EPS8: variants seen among roughly 807,000 people sequenced by gnomAD.
EPS8 encodes the protein EGFR pathway substrate 8, signaling adaptor, also known as epidermal growth factor receptor kinase substrate 8.
EPS8 carries 42 observed loss-of-function variants against 103.8 expected under a neutral mutation model. That is an observed-to-expected ratio of 0.40 (90% CI 0.32 to 0.52). The LOEUF is 0.52. Ranked by LOEUF, EPS8 falls within the 20% of genes least tolerant of loss-of-function variation. The probability of loss-of-function intolerance (pLI) is 0.40; values close to 1 mark genes in which losing one functional copy is unlikely to be tolerated. For synonymous variants in EPS8, 344 were observed against 344.6 expected, an observed-to-expected ratio of 1.00 and a Z score of 0.02; for missense variants, 969 against 1,005.1, an observed-to-expected ratio of 0.96 and a Z score of 0.49.
rs1346569533 is a variant in EPS8 at position 15,745,183 on chromosome 12, T to A, written c.-22+43978A>T. ...GCCAATTGTCCATTATTTTTAACAT[T>A]ATTTGTAAAGAAAAACTCTACCTGT... On this transcript the variant is annotated intron_variant, in intron 1 of 20. Coordinates refer to ENST00000281172, the MANE Select transcript of EPS8 (RefSeq NM_004447.6). The surrounding 1 kb of genome is among the most constrained non-coding windows in gnomAD (Gnocchi z 4.6). Among the ~76,000 whole-genome samples, 1 of 152,152 alleles carries A rather than the reference T, an allele frequency of 6.6e-6. No homozygotes were observed. Among genetic ancestry groups the A allele is most frequent in the Non-Finnish European group, 1.5e-5 (1 of 68,024 alleles).
intron 1 of EPS8, among the ~76,000 whole-genome samples, chr12:15,754,269 T>C (rs1946962912): frequency 6.6e-6 from 1 of 151,954 alleles, no homozygotes; most frequent in South Asian, 2.1e-4. Flanking sequence ...ACTCTTGTTC[T>C]ATAAACTCCA....
intron 1 of EPS8, among the ~76,000 whole-genome samples, chr12:15,741,784 A>G (rs966012497): frequency 4.6e-5 from 7 of 152,034 alleles, no homozygotes; most frequent in Admixed American, 3.3e-4. Flanking sequence ...ACATATGTAT[A>G]CATGTGCCAT....
Position 15,748,694 on chromosome 12 carries a change from A to G in EPS8, c.-22+40467T>C, listed in dbSNP as rs929364701. On this transcript the variant is annotated intron_variant, in intron 1 of 20. Coordinates refer to ENST00000281172, the MANE Select transcript of EPS8 (RefSeq NM_004447.6). This position sits in a 1 kb window ranked among gnomAD's most constrained non-coding sequence, Gnocchi z 4.8. Reference sequence around the variant, plus strand: ...TTAGTTTAAAATGGAATAACTCTAGATAGAAAATTCTATTCTGCAACAAGT... The same window carrying G: ...TTAGTTTAAAATGGAATAACTCTAGGTAGAAAATTCTATTCTGCAACAAGT... Among the ~76,000 whole-genome samples the G allele has an allele frequency of 6.6e-5, 10 of 152,232 alleles. No individual in the cohort carries two copies. The highest frequency in any genetic ancestry group is 2.4e-4 in the African/African-American group (10 of 41,456).
At chr12:15,686,655 G>T (rs1366278733) in intron 1 of EPS8, among the ~76,000 whole-genome samples, 1 of 152,040 alleles carries the variant, frequency 6.6e-6, no homozygotes, top group African/African-American at 2.4e-5. Flanking sequence ...AATAAACAAG[G>T]CTATAAGGTT....
rs1008358757 is a variant in EPS8 at position 15,778,043 on chromosome 12, A to G, written c.-22+11118T>C. Among the ~76,000 whole-genome samples the G allele has an allele frequency of 2.0e-5, 3 of 152,262 alleles. No individual in the cohort carries two copies. The highest frequency in any genetic ancestry group is 2.9e-5 in the Non-Finnish European group (2 of 68,046). The stretch of plus-strand genomic sequence containing the variant: ...CAATTTATTCTGTAATTCTGCAAAC[A>G]TAGCAAACATACAAATATACAAAAA... On this transcript the variant is annotated intron_variant, in intron 1 of 20. Coordinates refer to ENST00000281172, the MANE Select transcript of EPS8 (RefSeq NM_004447.6). The surrounding 1 kb of genome is among the most constrained non-coding windows in gnomAD (Gnocchi z 4.5).
At chr12:15,675,461 G>A (rs1371242132) in intron 3 of EPS8, among the ~76,000 whole-genome samples, 1 of 152,192 alleles carries the variant, frequency 6.6e-6, no homozygotes, top group Non-Finnish European at 1.5e-5. Flanking sequence ...TTAGCCAGGT[G>A]TGGTGGCACA....
intron 10 of EPS8, among the ~76,000 whole-genome samples, chr12:15,660,280 T>C (rs1945581695): frequency 6.6e-6 from 1 of 150,476 alleles, no homozygotes. Context: ...CAGAGTTCTT[T>C]TTTTTTTTTT....
At chr12:15,625,191 A>G (rs1944925131) in intron 18 of EPS8, among the ~76,000 whole-genome samples, 1 of 152,082 alleles carries the variant, frequency 6.6e-6, no homozygotes, top group African/African-American at 2.4e-5. Flanking sequence ...CTTTCCCCAT[A>G]TGTTCTGCCT....
chr12:15,743,973 C>CAACCTACAGTACCTGTATGGGAGA (rs1246720217), intron 1 of EPS8, among the ~76,000 whole-genome samples: 2 of 152,124 alleles, frequency 1.3e-5, no homozygotes, highest in Non-Finnish European at 2.9e-5. Context: ...AGTCAACAGG[C>CAACCTACAGTACCTGTATGGGAGA]AACCTACAGT....
At chr12:15,667,245 A>G (rs1242093933) in intron 6 of EPS8, among the ~76,000 whole-genome samples, 7 of 152,294 alleles carry the variant, frequency 4.6e-5, no homozygotes, top group Non-Finnish European at 4.4e-5. Flanking sequence ...TTTCTCAAAT[A>G]TGTATGTTGT....
rs1387650193 is a variant in EPS8 at position 15,777,190 on chromosome 12, T to C, written c.-22+11971A>G. 2.0e-5 allele frequency among the ~76,000 whole-genome samples: 3 copies of C among 152,048 alleles called. No individual in the cohort carries two copies. Among genetic ancestry groups the C allele is most frequent in the Non-Finnish European group, 4.4e-5 (3 of 68,008 alleles). On this transcript the variant is annotated intron_variant, in intron 1 of 20. Coordinates refer to ENST00000281172, the MANE Select transcript of EPS8 (RefSeq NM_004447.6). This position sits in a 1 kb window ranked among gnomAD's most constrained non-coding sequence, Gnocchi z 4.7. ...GGAGTAGCCTATATAAATTTTTTTT[T>C]TACATTATATAACTCAAGATATATT...
chr12:15,666,796 C>T (rs570139783), intron 6 of EPS8, among the ~76,000 whole-genome samples: 6 of 152,154 alleles, frequency 3.9e-5, no homozygotes, highest in South Asian at 2.1e-4. Context: ...GATATGTACA[C>T]GCTAAAAATG....
intron 8 of EPS8, chr12:15,662,390 A>G (rs1045372125): frequency 2.3e-4 from 255 of 1,125,860 alleles, no homozygotes; most frequent in Non-Finnish European, 2.7e-4. Flanking sequence ...TGTAGAACCA[A>G]CCTTAACTTA....
rs370199753 is a variant in EPS8 at position 15,631,102 on chromosome 12, T to C, written c.2044+340A>G. Reference sequence around the variant, plus strand: ...ATTATTTTTCTCCACTTTTTAGATATTGAAGTGCTGAGAGGATAATTAAAT... The same window carrying C: ...ATTATTTTTCTCCACTTTTTAGATACTGAAGTGCTGAGAGGATAATTAAAT... On this transcript the variant is annotated intron_variant, in intron 18 of 20. Coordinates refer to ENST00000281172, the MANE Select transcript of EPS8 (RefSeq NM_004447.6). 3.9e-5 allele frequency among the ~76,000 whole-genome samples: 6 copies of C among 152,306 alleles called. No individual in the cohort carries two copies. The East Asian group carries it at 5.8e-4, about 15-fold the overall frequency.
At chr12:15,655,133 C>A (rs1327456647) in intron 12 of EPS8, among the ~76,000 whole-genome samples, 2 of 152,038 alleles carry the variant, frequency 1.3e-5, no homozygotes, top group African/African-American at 4.8e-5. Flanking sequence ...CTATACTGTT[C>A]TAGGCCTCTG....
intron 1 of EPS8, among the ~76,000 whole-genome samples, chr12:15,718,757 C>T (rs1252160277): frequency 6.6e-6 from 1 of 152,002 alleles, no homozygotes; most frequent in African/African-American, 2.4e-5. Flanking sequence ...ATTTTTAAAC[C>T]TACAATGTCC....
At chr12:15,755,351 G>C (rs1946975766) in intron 1 of EPS8, among the ~76,000 whole-genome samples, 1 of 152,058 alleles carries the variant, frequency 6.6e-6, no homozygotes, top group Non-Finnish European at 1.5e-5. Flanking sequence ...TACTGTTGTT[G>C]GAGGAGAAAA....
chr12:15,765,385 T>C (rs1021620177), intron 1 of EPS8, among the ~76,000 whole-genome samples: 1 of 152,100 alleles, frequency 6.6e-6, no homozygotes, highest in African/African-American at 2.4e-5. Flanking sequence ...CTGGTGACTT[T>C]TACATGCTAC....
chr12:15,774,564 A>G (rs1261418859), intron 1 of EPS8, among the ~76,000 whole-genome samples: 1 of 129,020 alleles, frequency 7.8e-6, no homozygotes, highest in Non-Finnish European at 1.5e-5. Flanking sequence ...ACATATACAT[A>G]TATATATATA....
Sources: allele counts gnomAD v4.1 joint callset (sites outside exome capture counted in the v4.1 genomes callset), GRCh38; gene constraint gnomAD v4.1.1; non-coding constraint Gnocchi (gnomAD v3.1); transcripts MANE v1.5; gene names NCBI Gene and HGNC (gene_info 2026-07-23, HGNC 2026-07-21).